The following SPMIP3 variants were observed in gnomAD, a reference collection of about 807,000 sequenced individuals.
The protein encoded by SPMIP3 is sperm microtubule inner protein 3, also known as protein SPMIP3.
chr1:244,381,705 A>C, the SPMIP3 span, among the ~76,000 whole-genome samples: 2 of 152,174 alleles, frequency 1.3e-5, no homozygotes, highest in Non-Finnish European at 2.9e-5. Context: ...CCGAAGCGGG[A>C]GGATCACCTG....
chr1:244,364,273 T>C, the SPMIP3 span, among the ~76,000 whole-genome samples: 1 of 151,920 alleles, frequency 6.6e-6, no homozygotes, highest in Admixed American at 6.6e-5. Context: ...CCCGGCTACT[T>C]TTTTTGTATT....
chr1:244,365,168 C>T, the SPMIP3 span, among the ~76,000 whole-genome samples: 2 of 152,226 alleles, frequency 1.3e-5, no homozygotes, highest in African/African-American at 2.4e-5. Flanking sequence ...GTTGTTTGGC[C>T]GAAGGGCAGA....
At chr1:244,357,375 G>GC in the SPMIP3 span, among the ~76,000 whole-genome samples, 1 of 151,980 alleles carries the variant, frequency 6.6e-6, no homozygotes, top group East Asian at 1.9e-4. Context: ...GTGGTGGATG[G>GC]CCCTTACTAA....
the SPMIP3 span, chr1:244,389,073 C>T: frequency 4.9e-5 from 79 of 1,602,376 alleles, no homozygotes; most frequent in Admixed American, 1.5e-4. Context: ...AAAATAACCA[C>T]GGCATTCGAA....
At chr1:244,372,444 A>AT in the SPMIP3 span, among the ~76,000 whole-genome samples, 1,684 of 140,818 alleles carry the variant, frequency 0.012, 32 homozygotes, top group East Asian at 0.042. Context: ...CTGACTCTGA[A>AT]TTTTTTTTTT....
At chr1:244,375,593 G>A in the SPMIP3 span, 1 of 581,488 alleles carries the variant, frequency 1.7e-6, no homozygotes, top group Non-Finnish European at 2.9e-6. Flanking sequence ...ATAATGGATA[G>A]AAGAGGTTTG....
At chr1:244,373,005 T>C in the SPMIP3 span, among the ~76,000 whole-genome samples, 71 of 152,116 alleles carry the variant, frequency 4.7e-4, no homozygotes, top group Non-Finnish European at 6.8e-4. Flanking sequence ...ATTTCCATCA[T>C]ATCAGAGCTT....
the SPMIP3 span, among the ~76,000 whole-genome samples, chr1:244,386,511 G>T: frequency 6.6e-6 from 1 of 152,186 alleles, no homozygotes; most frequent in Non-Finnish European, 1.5e-5. Flanking sequence ...AGTTGTGTAT[G>T]ATTCAACCCC....
chr1:244,360,099 C>T, the SPMIP3 span, among the ~76,000 whole-genome samples: 1 of 151,026 alleles, frequency 6.6e-6, no homozygotes, highest in Non-Finnish European at 1.5e-5. Flanking sequence ...CAGAGCGAGA[C>T]GCCATCTAAA....
chr1:244,375,410 A>G, the SPMIP3 span: 1 of 1,613,950 alleles, frequency 6.2e-7, no homozygotes, highest in Non-Finnish European at 8.5e-7. Flanking sequence ...GTTCAAGGCT[A>G]TTACCCTGGG....
chr1:244,355,512 C>G, the SPMIP3 span, among the ~76,000 whole-genome samples: 2,628 of 152,000 alleles, frequency 0.017, 73 homozygotes, highest in African/African-American at 0.06. Flanking sequence ...CTCAGCCTCC[C>G]GAGTAGCTGA....
the SPMIP3 span, among the ~76,000 whole-genome samples, chr1:244,365,480 T>C: frequency 1.1e-4 from 17 of 152,312 alleles, no homozygotes; most frequent in East Asian, 2.3e-3. Flanking sequence ...TTCCTCCTCC[T>C]TTGCCTTCTG....
chr1:244,360,559 T>TAAAAAA, the SPMIP3 span, among the ~76,000 whole-genome samples: 1 of 9,038 alleles, frequency 1.1e-4, no homozygotes, highest in African/African-American at 3.1e-4. Flanking sequence ...CACACACACA[T>TAAAAAA]GCATGCATGG....
chr1:244,373,159 T>C, the SPMIP3 span, among the ~76,000 whole-genome samples: 1 of 151,312 alleles, frequency 6.6e-6, no homozygotes, highest in Non-Finnish European at 1.5e-5. Context: ...GGCGGGAGAA[T>C]CACTTGAGCC....
the SPMIP3 span, among the ~76,000 whole-genome samples, chr1:244,374,244 C>T: frequency 2.0e-5 from 3 of 152,150 alleles, no homozygotes; most frequent in Non-Finnish European, 2.9e-5. Flanking sequence ...CCTTGTCCCA[C>T]CTCTTCTTAC....
chr1:244,365,047 T>C, the SPMIP3 span, among the ~76,000 whole-genome samples: 44 of 152,268 alleles, frequency 2.9e-4, no homozygotes, highest in Non-Finnish European at 6.0e-4. Context: ...AGCAGTGAGA[T>C]GAGATGGTGG....
At chr1:244,379,102 G>T in the SPMIP3 span, among the ~76,000 whole-genome samples, 1 of 151,696 alleles carries the variant, frequency 6.6e-6, no homozygotes, top group African/African-American at 2.4e-5. Context: ...TAATTTTTCT[G>T]TATTTTTAGT....
At chr1:244,361,083 C>CAG in the SPMIP3 span, among the ~76,000 whole-genome samples, 1 of 151,602 alleles carries the variant, frequency 6.6e-6, no homozygotes, top group East Asian at 1.9e-4. Context: ...TGATGGTTAG[C>CAG]AGAGGCTGGG....
the SPMIP3 span, among the ~76,000 whole-genome samples, chr1:244,386,879 G>A: frequency 6.6e-6 from 1 of 152,176 alleles, no homozygotes; most frequent in Non-Finnish European, 1.5e-5. Context: ...GATGTGGACT[G>A]CACCTCTTAT....
Sources: allele counts gnomAD v4.1 joint callset (sites outside exome capture counted in the v4.1 genomes callset), GRCh38; gene constraint gnomAD v4.1.1; transcripts MANE v1.5; gene names NCBI Gene and HGNC (gene_info 2026-07-23, HGNC 2026-07-21).